ANKRD13D: variants seen among roughly 807,000 people sequenced by gnomAD.
ANKRD13D encodes the protein ankyrin repeat domain-containing protein 13D.
ANKRD13D carries 24 observed loss-of-function variants against 68.8 expected under a neutral mutation model. The ratio of observed to expected loss-of-function variants is 0.35; its 90% CI spans 0.25 to 0.49. The LOEUF is 0.49. Ranked by LOEUF, ANKRD13D falls within the 20% of genes least tolerant of loss-of-function variation. The probability of loss-of-function intolerance (pLI) is 0.99; values close to 1 mark genes in which losing one functional copy is unlikely to be tolerated. For missense variants in ANKRD13D, 735 were observed against 832.1 expected, an observed-to-expected ratio of 0.88 and a Z score of 1.44; for synonymous variants, 331 against 336.1, an observed-to-expected ratio of 0.98 and a Z score of 0.16.
rs1222844608 is a variant in ANKRD13D at position 67,299,605 on chromosome 11, A to G, written c.874A>G (p.Ser292Gly). Residue 292 changes from serine (S) to glycine (G), a missense_variant, in exon 8 of 15, where the codon AGC becomes GGC. Coordinates refer to ENST00000511455, the MANE Select transcript of ANKRD13D (RefSeq NM_207354.3). The surrounding 1 kb of genome is among the most constrained non-coding windows in gnomAD (Gnocchi z 6.2). ...EHLSDQDKSR[S>G]KAGKTPFQSF... ...CCTCTCTGATCAGGACAAGTCGAGG[A>G]GCAAAGGTAAACCCAGGTGCGCCTG... 6.4e-7 allele frequency: 1 copy of G among 1,551,096 alleles called. No individual in the cohort carries two copies. The highest frequency in any genetic ancestry group is 8.7e-7 in the Non-Finnish European group (1 of 1,146,928).
chr11:67,298,391 A>G (rs554018600), intron 6 of ANKRD13D: 5 of 152,576 alleles, frequency 3.3e-5, no homozygotes, highest in African/African-American at 1.2e-4. Context: ...GGCCTAGTGT[A>G]TGGCCTTGAA....
intron 6 of ANKRD13D, 125 bp downstream of exon 6, chr11:67,292,305 T>A (rs1368269294): frequency 8.6e-7 from 1 of 1,157,942 alleles, no homozygotes; most frequent in Non-Finnish European, 1.2e-6. Flanking sequence ...AAGGGGCTGC[T>A]CAGGGGCAGG....
Position 67,299,949 on chromosome 11 carries a change from C to A in ANKRD13D, c.943-44C>A. ...GGGCCGAGCCTGGGCGGGAGGGCAC[C>A]CTCTGTCACCTTGATGGCTGAGTCC... On this transcript the variant is annotated intron_variant, in intron 9 of 14. Transcript: ENST00000511455. The surrounding 1 kb of genome is among the most constrained non-coding windows in gnomAD (Gnocchi z 6.2). 6.3e-7 allele frequency: 1 copy of A among 1,585,830 alleles called. No homozygotes were observed. Among genetic ancestry groups the A allele is most frequent in the Non-Finnish European group, 8.6e-7 (1 of 1,162,950 alleles).
rs1175125288 is a variant in ANKRD13D at position 67,300,138 on chromosome 11, C to T, written c.1073+15C>T. The stretch of plus-strand genomic sequence containing the variant: ...AAAGTACAGAGGTGAGGTCTGAGAG[C>T]TGGCTGGGGACTTGCCTCGGGACAA... On this transcript the variant is annotated intron_variant, in intron 10 of 14. Transcript: ENST00000511455. The surrounding 1 kb of genome is among the most constrained non-coding windows in gnomAD (Gnocchi z 4.3). 6.2e-7 allele frequency: 1 copy of T among 1,613,354 alleles called. No individual in the cohort carries two copies. Among genetic ancestry groups the T allele is most frequent in the African/African-American group, 1.3e-5 (1 of 74,918 alleles).
intron 6 of ANKRD13D, chr11:67,298,822 T>A: frequency 1.8e-6 from 1 of 562,728 alleles, no homozygotes; most frequent in East Asian, 2.9e-5. Context: ...GCCCCGACAC[T>A]ATCATACCTC....
chr11:67,291,913 G>A (rs1860573128), intron 5 of ANKRD13D, 78 bp from the exon 6 acceptor site: 4 of 1,519,138 alleles, frequency 2.6e-6, no homozygotes, highest in Admixed American at 4.0e-5. Context: ...GTGGCTGAGG[G>A]TACATGATCG....
At chr11:67,298,848 A>G (rs1213807214) in intron 6 of ANKRD13D, 2 of 589,282 alleles carry the variant, frequency 3.4e-6, no homozygotes, top group Non-Finnish European at 6.1e-6. Context: ...ATTCATGCTA[A>G]TTCCTCAGTG....
chr11:67,294,537 T>C (rs1860691622), intron 6 of ANKRD13D, among the ~76,000 whole-genome samples: 1 of 152,000 alleles, frequency 6.6e-6, no homozygotes, highest in South Asian at 2.1e-4. Context: ...TTGTTTTGTT[T>C]TGTTTTTTTG....
intron 6 of ANKRD13D, among the ~76,000 whole-genome samples, chr11:67,292,886 TTC>T (rs1329553710): frequency 3.3e-5 from 5 of 152,188 alleles, no homozygotes; most frequent in Admixed American, 2.6e-4. Context: ...CTGCTCTGAG[TTC>T]TCATATGAAT....
chr11:67,301,556 A>G lies in ANKRD13D; in HGVS notation c.1417A>G (p.Met473Val), dbSNP rs1197472572. 5.6e-6 allele frequency: 9 copies of G among 1,612,904 alleles called. No homozygotes were observed. Among genetic ancestry groups the G allele is most frequent in the African/African-American group, 5.3e-5 (4 of 74,958 alleles). The change falls in exon 13 of 15, where the codon ATG (methionine) becomes GTG (valine). Residue 473 changes from methionine (M) to valine (V), a missense_variant. Physicochemically the swap from Met to Val is conservative, Grantham distance 21. Coordinates refer to ENST00000511455, the MANE Select transcript of ANKRD13D (RefSeq NM_207354.3). The surrounding 1 kb of genome is among the most constrained non-coding windows in gnomAD (Gnocchi z 4.5). Reference protein sequence around the residue: ...EVPNGYSVLGMERNEPLRDED... With the variant: ...EVPNGYSVLGVERNEPLRDED... ...GCCCAACGGGTACAGCGTGCTGGGC[A>G]TGGAGCGCAACGAGCCCCTCCGGGA...
rs1860583722 is a variant in ANKRD13D, at chr11:67,292,101, A to G, written c.652A>G (p.Ser218Gly). ...AACACTGCTGGCCGCCATGCGGCCC[A>G]GCGAGGAGCATGTGGCCAGTCGCCT... ...PETLLAAMRP[S>G]EEHVASRLTS... The change falls in exon 6 of 15, where the codon AGC becomes GGC. Residue 218 changes from serine (S) to glycine (G), a missense_variant. Ser to Gly is a moderately conservative substitution (Grantham distance 56). Transcript: ENST00000511455. The G allele has an allele frequency of 6.2e-7, 1 of 1,612,674 alleles. No homozygotes were observed. The highest frequency in any genetic ancestry group is 8.5e-7 in the Non-Finnish European group (1 of 1,179,048).
chr11:67,293,737 T>C (rs1299904913), intron 6 of ANKRD13D, among the ~76,000 whole-genome samples: 1 of 152,180 alleles, frequency 6.6e-6, no homozygotes, highest in Non-Finnish European at 1.5e-5. Context: ...AGACTGGTCT[T>C]AAACTCTTAG....
Position 67,302,262 on chromosome 11 carries a change from G to A in ANKRD13D, c.1748G>A (p.Arg583Gln), listed in dbSNP as rs1404944929. The change falls in exon 15 of 15, where the codon CGG becomes CAG. Residue 583 changes from arginine to glutamine, a missense_variant. Arg to Gln is a conservative substitution (Grantham distance 43). Transcript: ENST00000511455. The part of the protein sequence containing the change: ...LELSSREQEE[R>Q]ERRGQQEEED... ...TTGTCTTCACGGGAGCAGGAGGAGCGGGAGCGGCGCGGGCAGCAGGAGGAG... is the reference window on the plus strand; with the variant it reads ...TTGTCTTCACGGGAGCAGGAGGAGCAGGAGCGGCGCGGGCAGCAGGAGGAG... 10 of 1,571,222 alleles carry A rather than the reference G, an allele frequency of 6.4e-6. No individual in the cohort carries two copies. Among genetic ancestry groups the A allele is most frequent in the Admixed American group, 3.7e-5 (2 of 53,898 alleles).
Position 67,299,799 on chromosome 11 carries a change from C to T in ANKRD13D, c.881-28C>T, listed in dbSNP as rs749656378. On this transcript the variant is annotated intron_variant, in intron 8 of 14. Coordinates refer to ENST00000511455, the MANE Select transcript of ANKRD13D (RefSeq NM_207354.3). This position sits in a 1 kb window ranked among gnomAD's most constrained non-coding sequence, Gnocchi z 6.2. ...AGGGGCGATGCGAGCATTGTGACCC[C>T]TTACCAGCTCCCACCCCTTCTCCGT... 3.3e-6 allele frequency: 5 copies of T among 1,533,620 alleles called. No individual in the cohort carries two copies. In the South Asian group the frequency reaches 6.4e-5, roughly 19 times the overall value.
At position 67,301,737 on chromosome 11, in the gene ANKRD13D, C is replaced by T. The variant is rs557079696; in HGVS notation, c.1518C>T (p.Thr506=). ...LEAGTEAEQV[T]VWEALTNTRP... ...GTGGGCTCTGGTGGCTGCAGGTGAC[C>T]GTCTGGGAAGCCCTGACCAACACCC... is the stretch of plus-strand genomic sequence containing the variant. Residue 506 remains threonine, a synonymous_variant, in exon 14 of 15, where the codon ACC becomes ACT. Transcript: ENST00000511455. The surrounding 1 kb of genome is among the most constrained non-coding windows in gnomAD (Gnocchi z 4.5). 6.1e-5 allele frequency: 98 copies of T among 1,611,410 alleles called. No homozygotes were observed. Among genetic ancestry groups the T allele is most frequent in the Non-Finnish European group, 7.7e-5 (91 of 1,179,604 alleles).
intron 6 of ANKRD13D, among the ~76,000 whole-genome samples, chr11:67,294,725 A>G (rs1860698590): frequency 1.3e-5 from 2 of 151,934 alleles, no homozygotes; most frequent in Admixed American, 6.6e-5. Context: ...ATTTTTAGAG[A>G]GACAGGATTT....
Position 67,301,427 on chromosome 11 carries a change from G to A in ANKRD13D, c.1348+29G>A. ...CCCCAACGGGAGGAAGAGGGAGCCT[G>A]CACAGCTTTCTGGTCACCAAGCCCC... is the stretch of plus-strand genomic sequence containing the variant. On this transcript the variant is annotated intron_variant, in intron 12 of 14. Coordinates refer to ENST00000511455, the MANE Select transcript of ANKRD13D (RefSeq NM_207354.3). The surrounding 1 kb of genome is among the most constrained non-coding windows in gnomAD (Gnocchi z 4.5). The A allele has an allele frequency of 1.1e-5, 18 of 1,607,776 alleles. No individual in the cohort carries two copies. The highest frequency in any genetic ancestry group is 1.5e-5 in the Non-Finnish European group (18 of 1,176,626).
At chr11:67,296,298 A>G (rs934100423) in intron 6 of ANKRD13D, among the ~76,000 whole-genome samples, 3 of 151,842 alleles carry the variant, frequency 2.0e-5, no homozygotes, top group Non-Finnish European at 4.4e-5. Context: ...TTTGTCTTCA[A>G]AAGATTGGTA....
chr11:67,298,994 A>G, intron 6 of ANKRD13D, 64 bp from the exon 7 acceptor site: 1 of 1,580,128 alleles, frequency 6.3e-7, no homozygotes, highest in Non-Finnish European at 8.7e-7. Flanking sequence ...GGGCTTTGGA[A>G]AGGAAGGCTT....
Sources: allele counts gnomAD v4.1 joint callset (sites outside exome capture counted in the v4.1 genomes callset), GRCh38; gene constraint gnomAD v4.1.1; non-coding constraint Gnocchi (gnomAD v3.1); transcripts MANE v1.5; gene names NCBI Gene and HGNC (gene_info 2026-07-23, HGNC 2026-07-21).